The following PRKCE variants were observed in gnomAD, a reference collection of about 807,000 sequenced individuals.
PRKCE encodes protein kinase C epsilon type.
Under a neutral mutation model 85.4 loss-of-function variants are expected in PRKCE, and 16 were observed. That is an observed-to-expected ratio of 0.19 (90% CI 0.13 to 0.28). PRKCE has a LOEUF of 0.28. Ranked by LOEUF, PRKCE falls within the 10% of genes least tolerant of loss-of-function variation. The pLI is 1.00. For missense variants in PRKCE, 573 were observed against 975.2 expected, an observed-to-expected ratio of 0.59 and a Z score of 5.49; for synonymous variants, 388 against 371.5, an observed-to-expected ratio of 1.04 and a Z score of -0.51.
In PRKCE at chr2:45,991,822, G is replaced by T. The variant is rs1319570329; in HGVS notation, c.823+7142G>T. ...TAAAGTCAAGCCATGTTAATGGACT[G>T]CTTTACCTTCCTTTTCATTGACGTT... On this transcript the variant is annotated intron_variant, in intron 6 of 14. Transcript: ENST00000306156. Among the ~76,000 whole-genome samples the T allele has an allele frequency of 2.0e-5, 3 of 152,316 alleles. No homozygotes were observed. In the East Asian group the frequency reaches 5.8e-4, roughly 29 times the overall value.
intron 1 of PRKCE, among the ~76,000 whole-genome samples, chr2:45,759,666 C>T (rs1684279263): frequency 6.6e-6 from 1 of 152,176 alleles, no homozygotes; most frequent in Non-Finnish European, 1.5e-5. Flanking sequence ...ATAGAAGTGC[C>T]TCGGTTATGA....
intron 2 of PRKCE, among the ~76,000 whole-genome samples, chr2:45,854,910 T>C (rs1380495139): frequency 2.0e-5 from 3 of 152,168 alleles, no homozygotes; most frequent in African/African-American, 7.2e-5. Flanking sequence ...GGGAGGCAGA[T>C]TTCAGCTTAG....
rs532310445 is a variant in PRKCE, at chr2:46,059,148, G to A, written c.1438-27060G>A. Among the ~76,000 whole-genome samples the A allele has an allele frequency of 3.9e-5, 6 of 152,202 alleles. No individual in the cohort carries two copies. In the South Asian group the frequency reaches 6.2e-4, roughly 16 times the overall value. On this transcript the variant is annotated intron_variant, in intron 10 of 14. Coordinates refer to ENST00000306156, the MANE Select transcript of PRKCE (RefSeq NM_005400.3). ...TGTTTGTGGTCCCAGCTACTTGGGA[G>A]GCTGAGCCATGAGGATCACTAGCCA...
intron 2 of PRKCE, among the ~76,000 whole-genome samples, chr2:45,967,691 A>AT (rs11431588): frequency 0.044 from 6,753 of 151,968 alleles, 301 homozygotes; most frequent in African/African-American, 0.11. Context: ...AGGATGACTC[A>AT]TTTTTTTTCT....
At chr2:45,663,491 A>C (rs566440936) in intron 1 of PRKCE, among the ~76,000 whole-genome samples, 2 of 152,308 alleles carry the variant, frequency 1.3e-5, no homozygotes, top group South Asian at 2.1e-4. Context: ...CTAAACTGGA[A>C]GAAGAATATA....
chr2:46,083,780 A>C (rs1488573212), intron 10 of PRKCE, among the ~76,000 whole-genome samples: 1 of 152,238 alleles, frequency 6.6e-6, no homozygotes, highest in Non-Finnish European at 1.5e-5. Context: ...ACAAGCTTCC[A>C]TGTGATTCTA....
At chr2:46,043,839 G>A (rs995975148) in intron 10 of PRKCE, among the ~76,000 whole-genome samples, 4 of 152,350 alleles carry the variant, frequency 2.6e-5, no homozygotes, top group African/African-American at 9.6e-5. Flanking sequence ...GAGTGTTTCT[G>A]TGATTGAAAT....
chr2:46,050,994 T>G (rs1338661508), intron 10 of PRKCE, among the ~76,000 whole-genome samples: 1 of 151,996 alleles, frequency 6.6e-6, no homozygotes, highest in Non-Finnish European at 1.5e-5. Flanking sequence ...CCTTTATCTC[T>G]CCCACTCCCT....
chr2:46,008,270 T>A (rs900925212), intron 9 of PRKCE, among the ~76,000 whole-genome samples: 1 of 152,282 alleles, frequency 6.6e-6, no homozygotes, highest in South Asian at 2.1e-4. Flanking sequence ...CTGTTCCCAC[T>A]GAGATGAACA....
At chr2:45,956,856 A>C (rs1200759590) in intron 2 of PRKCE, among the ~76,000 whole-genome samples, 1 of 152,226 alleles carries the variant, frequency 6.6e-6, no homozygotes, top group Non-Finnish European at 1.5e-5. Context: ...ATAGATATAT[A>C]GTGGTATTTC....
chr2:46,021,239 A>G (rs768920818), intron 10 of PRKCE, among the ~76,000 whole-genome samples: 3 of 152,184 alleles, frequency 2.0e-5, no homozygotes, highest in South Asian at 2.1e-4. Context: ...GTGAGGAGGT[A>G]CTGGCTAAGT....
rs777188116 is a variant in PRKCE at position 45,868,214 on chromosome 2, CTTTT to C, written c.412+25170_412+25173del. ...GGTCTGGTTGGGGGGTGTAACGGAG[CTTTT>C]TTTTTTTTTTTTTTTTTTGTTCTCC... is the stretch of plus-strand genomic sequence containing the variant. On this transcript the variant is annotated intron_variant, in intron 2 of 14. Transcript: ENST00000306156. 2.8e-4 allele frequency among the ~76,000 whole-genome samples: 22 copies of C among 79,880 alleles called. No homozygotes were observed. In the East Asian group the frequency reaches 9.2e-3, roughly 33 times the overall value. The allele number at this position is 79,880 out of a possible 152,430, so 52.4% of individuals were successfully genotyped here.
intron 10 of PRKCE, among the ~76,000 whole-genome samples, chr2:46,050,373 C>G (rs926995031): frequency 6.6e-6 from 1 of 152,232 alleles, no homozygotes; most frequent in African/African-American, 2.4e-5. Context: ...GTGCATGGCA[C>G]ACCTAGGCTC....
At chr2:45,814,142 C>T (rs973394105) in intron 1 of PRKCE, among the ~76,000 whole-genome samples, 5 of 152,146 alleles carry the variant, frequency 3.3e-5, no homozygotes, top group African/African-American at 1.2e-4. Flanking sequence ...TGACTACTCT[C>T]CTGCCACTGT....
intron 2 of PRKCE, among the ~76,000 whole-genome samples, chr2:45,960,142 A>G (rs866840827): frequency 2.0e-5 from 3 of 152,158 alleles, no homozygotes; most frequent in African/African-American, 4.8e-5. Flanking sequence ...TAAAGGGGGG[A>G]AAACCTCCAT....
intron 2 of PRKCE, among the ~76,000 whole-genome samples, chr2:45,851,175 CTCTT>C (rs1692223608): frequency 6.6e-6 from 1 of 152,238 alleles, no homozygotes; most frequent in Admixed American, 6.5e-5. Flanking sequence ...AACAGTTATC[CTCTT>C]TCCTTGGTTG....
intron 10 of PRKCE, among the ~76,000 whole-genome samples, chr2:46,070,287 G>A (rs897904355): frequency 1.1e-4 from 16 of 150,286 alleles, no homozygotes; most frequent in African/African-American, 3.6e-4. Flanking sequence ...CTTCCTGTGT[G>A]GACCCTCAAT....
intron 1 of PRKCE, among the ~76,000 whole-genome samples, chr2:45,794,953 G>C (rs1399538823): frequency 6.7e-6 from 1 of 150,064 alleles, no homozygotes; most frequent in Admixed American, 6.8e-5. Context: ...GAGTGATTCA[G>C]ACTCCGCTTC....
intron 1 of PRKCE, among the ~76,000 whole-genome samples, chr2:45,732,107 C>A (rs780847423): frequency 6.6e-6 from 1 of 152,106 alleles, no homozygotes; most frequent in Non-Finnish European, 1.5e-5. Context: ...ACCATCTTAT[C>A]AGTCATGTGA....
Sources: gnomAD v4.1 joint callset for allele counts (sites outside exome capture counted in the v4.1 genomes callset) on GRCh38, gnomAD v4.1.1 for gene constraint, MANE v1.5 for transcripts, NCBI Gene and HGNC (gene_info 2026-07-23, HGNC 2026-07-21) for gene names.